The following DOK6 variants were observed in gnomAD, a reference collection of about 807,000 sequenced individuals.
DOK6 encodes the protein downstream of tyrosine kinase 6.
Under a neutral mutation model 44.0 loss-of-function variants are expected in DOK6, and 22 were observed. That is an observed-to-expected ratio of 0.50 (90% CI 0.36 to 0.71). The LOEUF is 0.71. Ranked by LOEUF, DOK6 falls within the 30% of genes least tolerant of loss-of-function variation. DOK6 has a pLI of 0.00. For missense variants in DOK6, 340 were observed against 416.4 expected, an observed-to-expected ratio of 0.82 and a Z score of 1.60; for synonymous variants, 166 against 145.5, an observed-to-expected ratio of 1.14 and a Z score of -1.01.
At chr18:69,691,542 G>A (rs535813755) in intron 4 of DOK6, among the ~76,000 whole-genome samples, 6 of 152,294 alleles carry the variant, frequency 3.9e-5, no homozygotes, top group African/African-American at 1.4e-4. Flanking sequence ...GTTCAAGAGA[G>A]TTTGGGGAAG....
At chr18:69,572,999 T>C (rs1983151916) in intron 2 of DOK6, among the ~76,000 whole-genome samples, 1 of 150,350 alleles carries the variant, frequency 6.7e-6, no homozygotes, top group African/African-American at 2.4e-5. Flanking sequence ...ATGACATATA[T>C]GTTACCTACA....
chr18:69,838,268 G>A, intron 7 of DOK6, among the ~76,000 whole-genome samples: 1 of 149,034 alleles, frequency 6.7e-6, no homozygotes, highest in Non-Finnish European at 1.5e-5. Flanking sequence ...ATAAAACCAA[G>A]GCCAGGAGCA....
At chr18:69,533,632 GA>G (rs1167924802) in intron 1 of DOK6, among the ~76,000 whole-genome samples, 2 of 144,996 alleles carry the variant, frequency 1.4e-5, no homozygotes, top group Middle Eastern at 3.3e-3. Flanking sequence ...GTATCCAATA[GA>G]AAACTTATGT....
intron 1 of DOK6, chr18:69,469,740 C>A (rs1568267838): frequency 3.7e-6 from 1 of 269,442 alleles, no homozygotes; most frequent in South Asian, 3.3e-5. Context: ...GGGCAGGACA[C>A]GAGAGGCCAG....
intron 7 of DOK6, among the ~76,000 whole-genome samples, chr18:69,785,492 G>A (rs1463610234): frequency 2.6e-5 from 4 of 152,110 alleles, no homozygotes; most frequent in Non-Finnish European, 1.5e-5. Flanking sequence ...AATAAAAAGG[G>A]ATATTAACAT....
chr18:69,455,399 A>G (rs1979606638), intron 1 of DOK6, among the ~76,000 whole-genome samples: 1 of 152,204 alleles, frequency 6.6e-6, no homozygotes, highest in African/African-American at 2.4e-5. Context: ...AGCTTTTCAT[A>G]CACGGAGAGT....
intron 5 of DOK6, among the ~76,000 whole-genome samples, chr18:69,705,649 C>T (rs1305822087): frequency 6.6e-6 from 1 of 152,154 alleles, no homozygotes; most frequent in Admixed American, 6.5e-5. Flanking sequence ...CTTGAGACTG[C>T]TTTAGCTTGG....
chr18:69,423,009 CAT>C (rs1177290385), intron 1 of DOK6, among the ~76,000 whole-genome samples: 1 of 152,048 alleles, frequency 6.6e-6, no homozygotes, highest in African/African-American at 2.4e-5. Flanking sequence ...AATTTTTTAA[CAT>C]AGAAAAATGT....
intron 4 of DOK6, among the ~76,000 whole-genome samples, chr18:69,691,042 G>A (rs1336269472): frequency 6.6e-6 from 1 of 151,884 alleles, no homozygotes; most frequent in African/African-American, 2.4e-5. Flanking sequence ...AACATTAGCT[G>A]GGCATAGTGA....
At chr18:69,514,757 G>T in intron 1 of DOK6, among the ~76,000 whole-genome samples, 1 of 150,428 alleles carries the variant, frequency 6.6e-6, no homozygotes. Context: ...TTAAAATTAG[G>T]CTGTTGTCTT....
chr18:69,797,213 T>C (rs1307522592), intron 7 of DOK6, among the ~76,000 whole-genome samples: 1 of 152,204 alleles, frequency 6.6e-6, no homozygotes, highest in African/African-American at 2.4e-5. Flanking sequence ...AATTTAATTA[T>C]GTGTTGGCAT....
chr18:69,827,454 T>C (rs1981773903), intron 7 of DOK6, among the ~76,000 whole-genome samples: 3 of 152,096 alleles, frequency 2.0e-5, no homozygotes, highest in Admixed American at 2.0e-4. Flanking sequence ...GAAAAATTAA[T>C]CTAATCAGTT....
intron 5 of DOK6, among the ~76,000 whole-genome samples, chr18:69,733,466 CAT>C (rs1978487025): frequency 6.6e-6 from 1 of 152,172 alleles, no homozygotes; most frequent in Non-Finnish European, 1.5e-5. Context: ...AGTATACAAA[CAT>C]GTGGAATGAT....
At chr18:69,617,730 G>GAGAAAGAAAGAAAGAAAGAAAGAAAAA in intron 3 of DOK6, among the ~76,000 whole-genome samples, 1 of 88,796 alleles carries the variant, frequency 1.1e-5, no homozygotes. Flanking sequence ...AAAGAAAAAA[G>GAGAAAGAAAGAAAGAAAGAAAGAAAAA]GGGGAAGGAG....
At chr18:69,783,597 C>A (rs1294273440) in intron 7 of DOK6, among the ~76,000 whole-genome samples, 1 of 152,072 alleles carries the variant, frequency 6.6e-6, no homozygotes, top group South Asian at 2.1e-4. Flanking sequence ...TTCCACATGA[C>A]CTCTGGATTT....
chr18:69,821,513 C>T (rs1302149646), intron 7 of DOK6, among the ~76,000 whole-genome samples: 1 of 152,088 alleles, frequency 6.6e-6, no homozygotes, highest in East Asian at 1.9e-4. Flanking sequence ...TCTTTATTTT[C>T]CATCTTTAAA....
intron 3 of DOK6, among the ~76,000 whole-genome samples, chr18:69,654,653 A>G (rs1461512009): frequency 1.3e-5 from 2 of 152,260 alleles, no homozygotes; most frequent in East Asian, 3.8e-4. Flanking sequence ...AACTACTTGC[A>G]TAATAAAAGA....
intron 7 of DOK6, among the ~76,000 whole-genome samples, chr18:69,760,610 G>T (rs1459455752): frequency 1.3e-5 from 2 of 152,030 alleles, no homozygotes; most frequent in East Asian, 3.9e-4. Flanking sequence ...TTATACTTCG[G>T]GTTGGCTTAC....
intron 3 of DOK6, among the ~76,000 whole-genome samples, chr18:69,655,004 G>C (rs1042991961): frequency 6.6e-6 from 1 of 152,196 alleles, no homozygotes; most frequent in Non-Finnish European, 1.5e-5. Context: ...GCTACAGTGA[G>C]CCATGACTGC....
Sources: allele counts gnomAD v4.1 joint callset (sites outside exome capture counted in the v4.1 genomes callset), GRCh38; gene constraint gnomAD v4.1.1; transcripts MANE v1.5; gene names NCBI Gene and HGNC (gene_info 2026-07-23, HGNC 2026-07-21).